SSBP3: variants seen among roughly 807,000 people sequenced by gnomAD.
SSBP3 encodes single-stranded DNA-binding protein 3.
A neutral mutation model predicts 69.6 loss-of-function variants in SSBP3; 5 were observed. The ratio of observed to expected loss-of-function variants is 0.07; its 90% CI spans 0.04 to 0.15. The LOEUF (loss-of-function observed/expected upper bound fraction) is 0.15, where lower values mean the gene tolerates loss of function less well. Ranked by LOEUF, SSBP3 falls within the 10% of genes least tolerant of loss-of-function variation. The pLI is 1.00. For synonymous variants in SSBP3, 196 were observed against 193.4 expected, an observed-to-expected ratio of 1.01 and a Z score of -0.11; for missense variants, 312 against 534.0, an observed-to-expected ratio of 0.58 and a Z score of 4.10.
chr1:54,291,143 C>A (rs1402461304), intron 4 of SSBP3, among the ~76,000 whole-genome samples: 1 of 142,068 alleles, frequency 7.0e-6, no homozygotes, highest in African/African-American at 2.6e-5. Flanking sequence ...AGAAAACCAC[C>A]CGCTTCTAGA....
exon 1 of SSBP3, chr1:54,406,384 G>A (rs1323075424): frequency 6.1e-6 from 1 of 164,608 alleles, no homozygotes; most frequent in Non-Finnish European, 1.3e-5. Context: ...CGCCGCCGCC[G>A]CCGCTGGTCT....
Position 54,254,856 on chromosome 1 carries a change from G to A in SSBP3, c.507+2271C>T, listed in dbSNP as rs375920807. Among the ~76,000 whole-genome samples the A allele has an allele frequency of 3.0e-4, 45 of 151,676 alleles. 2 individuals carry two copies. The South Asian group carries it at 5.8e-3, about 20-fold the overall frequency. The stretch of plus-strand genomic sequence containing the variant: ...CTTTTTTCTTCTTTTTTTTTGAGGC[G>A]GAGTCTCGCTCTGTCACCCAAGCTG... On this transcript the variant is annotated intron_variant, in intron 7 of 17. Coordinates refer to ENST00000610401, the Ensembl canonical transcript of SSBP3.
At chr1:54,333,219 G>A (rs990430749) in intron 4 of SSBP3, among the ~76,000 whole-genome samples, 4 of 152,134 alleles carry the variant, frequency 2.6e-5, no homozygotes, top group East Asian at 1.9e-4. Flanking sequence ...CACAGAATAC[G>A]GAAAGGATTT....
chr1:54,404,888 T>G (rs1347139013), exon 2 of SSBP3: 9 of 1,612,352 alleles, frequency 5.6e-6, no homozygotes, highest in Non-Finnish European at 7.6e-6. Flanking sequence ...CAGATTTCTG[T>G]GCTCCTACGT....
intron 4 of SSBP3, among the ~76,000 whole-genome samples, chr1:54,386,138 G>A (rs1254723086): frequency 1.3e-5 from 2 of 152,180 alleles, no homozygotes; most frequent in Admixed American, 6.5e-5. Flanking sequence ...AGTTCTAGAG[G>A]CACAGATGTT....
intron 4 of SSBP3, among the ~76,000 whole-genome samples, chr1:54,328,238 G>C (rs532350197): frequency 4.9e-4 from 75 of 152,304 alleles, no homozygotes; most frequent in Admixed American, 2.8e-3. Flanking sequence ...ACATCGTCCA[G>C]TGTGTTCACA....
At chr1:54,253,105 G>C (rs1461823044) in intron 7 of SSBP3, among the ~76,000 whole-genome samples, 2 of 151,824 alleles carry the variant, frequency 1.3e-5, no homozygotes, top group African/African-American at 4.8e-5. Context: ...TGTGGTTAAG[G>C]TACGAGAGGA....
chr1:54,265,991 C>G (rs1645095263), intron 5 of SSBP3, among the ~76,000 whole-genome samples: 1 of 152,256 alleles, frequency 6.6e-6, no homozygotes, highest in South Asian at 2.1e-4. Context: ...CACTTGCCTC[C>G]TGGCGGAACA....
At position 54,401,774 on chromosome 1, in the gene SSBP3, G is replaced by A. The variant is rs181964548; in HGVS notation, c.276+87C>T. 494 of 1,136,716 alleles carry A rather than the reference G, an allele frequency of 4.3e-4. 2 individuals are homozygous for A. Among genetic ancestry groups the A allele is most frequent in the African/African-American group, 3.8e-3 (251 of 65,208 alleles). 70.4% of individuals were successfully genotyped at this position (1,136,716 alleles called of 1,614,324 possible). On this transcript the variant is annotated intron_variant, in intron 4 of 17. Coordinates refer to ENST00000610401, the Ensembl canonical transcript of SSBP3. Reference sequence around the variant, plus strand: ...GCAAGAAGCAAATAAAGACCACTGCGAACTGGCTGTGTTTGCTTTTCGTAC... The same window carrying A: ...GCAAGAAGCAAATAAAGACCACTGCAAACTGGCTGTGTTTGCTTTTCGTAC...
intron 4 of SSBP3, among the ~76,000 whole-genome samples, chr1:54,330,962 T>C (rs1646400224): frequency 1.3e-5 from 2 of 152,320 alleles, no homozygotes; most frequent in South Asian, 2.1e-4. Context: ...AAATGGCTAA[T>C]GACAGCCACT....
At chr1:54,228,089 C>T (rs1463667355) in intron 17 of SSBP3, among the ~76,000 whole-genome samples, 166 bp downstream of exon 17, 4 of 152,306 alleles carry the variant, frequency 2.6e-5, no homozygotes, top group South Asian at 2.1e-4. Context: ...CTCAGGGCAG[C>T]GTCAAGGCTG....
Position 54,331,110 on chromosome 1 carries a change from G to A in SSBP3, c.277-49583C>T, listed in dbSNP as rs1400088130. ...GAAATAAAGGTTTATACATGTGTAT[G>A]CCACATAAACATATGCCCCGATATA... is the stretch of plus-strand genomic sequence containing the variant. On this transcript the variant is annotated intron_variant, in intron 4 of 17. Transcript: ENST00000610401. Among the ~76,000 whole-genome samples, 3 of 152,312 alleles carry A rather than the reference G, an allele frequency of 2.0e-5. 1 individual carries two copies. The highest frequency in any genetic ancestry group is 2.0e-4 in the Admixed American group (3 of 15,308).
intron 9 of SSBP3, among the ~76,000 whole-genome samples, chr1:54,244,923 G>C (rs1198009544): frequency 6.6e-6 from 1 of 152,086 alleles, no homozygotes. Context: ...CCACGTGTCT[G>C]TCCATCTCCC....
intron 14 of SSBP3, among the ~76,000 whole-genome samples, chr1:54,234,552 G>A (rs1260545382): frequency 6.6e-6 from 1 of 151,926 alleles, no homozygotes; most frequent in Non-Finnish European, 1.5e-5. Context: ...CTGTGACACT[G>A]CCCTCTAGAC....
At chr1:54,379,284 T>C (rs910025738) in intron 4 of SSBP3, among the ~76,000 whole-genome samples, 1 of 152,234 alleles carries the variant, frequency 6.6e-6, no homozygotes, top group Non-Finnish European at 1.5e-5. Context: ...TGTGAAGCCC[T>C]ACCTGTGTGG....
chr1:54,379,096 G>A (rs1052082847), intron 4 of SSBP3, among the ~76,000 whole-genome samples: 2 of 152,082 alleles, frequency 1.3e-5, no homozygotes, highest in East Asian at 1.9e-4. Flanking sequence ...CTCCAGCCCC[G>A]ATCTGCCACC....
At chr1:54,309,361 A>G (rs563236156) in intron 4 of SSBP3, among the ~76,000 whole-genome samples, 77 of 152,348 alleles carry the variant, frequency 5.1e-4, no homozygotes, top group Non-Finnish European at 1.3e-4. Flanking sequence ...CCAAGTTGAC[A>G]TTGGCGAGTG....
intron 4 of SSBP3, among the ~76,000 whole-genome samples, chr1:54,391,877 C>T (rs1307001469): frequency 6.6e-6 from 1 of 152,144 alleles, no homozygotes; most frequent in African/African-American, 2.4e-5. Context: ...AAGGAACCCC[C>T]TCCACCCACC....
At chr1:54,407,748 GATTTTTTT>G (rs774797083), upstream of SSBP3, among the ~76,000 whole-genome samples, 4 of 86,352 alleles carry the variant, frequency 4.6e-5, no homozygotes, top group Non-Finnish European at 8.7e-5. Flanking sequence ...AGCCTAGGTT[GATTTTTTT>G]TTTTTTTTTT....
Sources: allele counts gnomAD v4.1 joint callset (sites outside exome capture counted in the v4.1 genomes callset), GRCh38; gene constraint gnomAD v4.1.1; transcripts MANE v1.5; gene names NCBI Gene and HGNC (gene_info 2026-07-23, HGNC 2026-07-21).